MTMR3: variants seen among roughly 807,000 people sequenced by gnomAD.
MTMR3 encodes the protein phosphatidylinositol-3,5-bisphosphate 3-phosphatase MTMR3.
A neutral mutation model predicts 132.4 loss-of-function variants in MTMR3; 32 were observed. That is an observed-to-expected ratio of 0.24 (90% CI 0.18 to 0.32). The LOEUF (loss-of-function observed/expected upper bound fraction) is 0.32, where lower values mean the gene tolerates loss of function less well. Ranked by LOEUF, MTMR3 falls within the 10% of genes least tolerant of loss-of-function variation. MTMR3 has a pLI of 1.00. For missense variants in MTMR3, 1,216 were observed against 1,489.6 expected (o/e 0.82, Z 3.02); for synonymous variants, 556 against 550.3 (o/e 1.01, Z -0.14).
intron 1 of MTMR3, among the ~76,000 whole-genome samples, chr22:29,884,655 C>T (rs1176847284): frequency 6.8e-6 from 1 of 147,850 alleles, no homozygotes; most frequent in Non-Finnish European, 1.5e-5. Context: ...CTCCGCCTGC[C>T]AGGTTCTAGC....
chr22:29,996,098 A>G (rs1188253586), intron 7 of MTMR3: 1 of 152,242 alleles, frequency 6.6e-6, no homozygotes, highest in Non-Finnish European at 1.5e-5. Context: ...TAGGAGTTCA[A>G]ATCCAGCTTA....
intron 3 of MTMR3, among the ~76,000 whole-genome samples, chr22:29,974,882 C>T (rs1278527529): frequency 2.0e-5 from 3 of 152,150 alleles, no homozygotes; most frequent in East Asian, 1.9e-4. Flanking sequence ...TTTTGCTCCC[C>T]TCCATGTTTA....
intron 17 of MTMR3, chr22:30,021,186 C>T: frequency 2.5e-6 from 1 of 397,296 alleles, no homozygotes; most frequent in Non-Finnish European, 4.6e-6. Context: ...TTCAGAAGGG[C>T]TTGAACCCAT....
At chr22:30,005,226 G>C (rs2067250691) in intron 9 of MTMR3, 1 of 152,152 alleles carries the variant, frequency 6.6e-6, no homozygotes, top group East Asian at 1.9e-4. Flanking sequence ...ACTTTGCCTG[G>C]TTCTGTTAGT....
rs577655672 is a variant in MTMR3, at chr22:29,969,839, C to G, written c.-84-1137C>G. 7.9e-5 allele frequency among the ~76,000 whole-genome samples: 12 copies of G among 152,236 alleles called. No homozygotes were observed. The South Asian group carries it at 1.7e-3, about 21-fold the overall frequency. On this transcript the variant is annotated intron_variant, in intron 2 of 19. Coordinates refer to ENST00000401950, the MANE Select transcript of MTMR3 (RefSeq NM_021090.4). ...GCCACCACACCCGGCCAAAATGATTCTTTAGAGTAAGTCATCTCCTACCAT... is the reference window on the plus strand; with the variant it reads ...GCCACCACACCCGGCCAAAATGATTGTTTAGAGTAAGTCATCTCCTACCAT...
intron 2 of MTMR3, among the ~76,000 whole-genome samples, chr22:29,970,390 G>A (rs535898228): frequency 8.6e-5 from 13 of 151,600 alleles, no homozygotes; most frequent in Non-Finnish European, 1.9e-4. Flanking sequence ...CTAGAGTGCA[G>A]TGGTGTAATC....
intron 1 of MTMR3, among the ~76,000 whole-genome samples, chr22:29,947,825 A>G (rs376846741): frequency 6.8e-4 from 103 of 152,230 alleles, no homozygotes; most frequent in African/African-American, 2.3e-3. Context: ...AAATATTACT[A>G]ATTTTAAAAA....
At chr22:29,885,804 T>TG (rs1222983590) in intron 1 of MTMR3, among the ~76,000 whole-genome samples, 1 of 152,228 alleles carries the variant, frequency 6.6e-6, no homozygotes, top group Non-Finnish European at 1.5e-5. Flanking sequence ...GTAGTTCTAG[T>TG]TAACACGTTC....
chr22:29,920,523 T>C (rs1348171432), intron 1 of MTMR3, among the ~76,000 whole-genome samples: 3 of 152,196 alleles, frequency 2.0e-5, no homozygotes, highest in Non-Finnish European at 4.4e-5. Flanking sequence ...TATTTGAATG[T>C]TATGTTATAT....
At chr22:29,949,124 C>CCCCCGAGGCCCTGTCTTAAA (rs1356618745) in intron 1 of MTMR3, among the ~76,000 whole-genome samples, 9 of 39,220 alleles carry the variant, frequency 2.3e-4, no homozygotes, top group African/African-American at 9.9e-4. Flanking sequence ...CACACACACA[C>CCCCCGAGGCCCTGTCTTAAA]ACACACACAC....
At chr22:29,983,905 G>A (rs957691747) in intron 5 of MTMR3, 7 of 151,964 alleles carry the variant, frequency 4.6e-5, no homozygotes, top group Non-Finnish European at 8.8e-5. Flanking sequence ...CCAAAGTGCT[G>A]GGATTACAGA....
In MTMR3 at chr22:29,969,219, G is replaced by C. The variant is rs115459914; in HGVS notation, c.-84-1757G>C. ...CCGTTGAGCTGTCTCTGCATGGCAC[G>C]AGAAGAATAGATTTTTCTTACAATG... is the stretch of plus-strand genomic sequence containing the variant. On this transcript the variant is annotated intron_variant, in intron 2 of 19. Coordinates refer to ENST00000401950, the MANE Select transcript of MTMR3 (RefSeq NM_021090.4). 4.5e-3 allele frequency among the ~76,000 whole-genome samples: 684 copies of C among 152,254 alleles called. 6 individuals carry two copies. The highest frequency in any genetic ancestry group is 0.015 in the African/African-American group (642 of 41,550).
intron 7 of MTMR3, chr22:29,996,245 A>G (rs2067057695): frequency 6.6e-6 from 1 of 152,254 alleles, no homozygotes; most frequent in Non-Finnish European, 1.5e-5. Flanking sequence ...GCCTTAGAGG[A>G]TATAAAAATA....
intron 1 of MTMR3, among the ~76,000 whole-genome samples, chr22:29,904,361 G>A (rs117293897): frequency 0.018 from 2,681 of 152,328 alleles, 46 homozygotes; most frequent in East Asian, 0.062. Flanking sequence ...CTGCTAGTGA[G>A]TAGCTGAAAT....
At position 30,019,594 on chromosome 22, in the gene MTMR3, G is replaced by A; in HGVS notation, c.1935G>A (p.Arg645=). 6.2e-7 allele frequency: 1 copy of A among 1,613,980 alleles called. No individual in the cohort carries two copies. Among genetic ancestry groups the A allele is most frequent in the Non-Finnish European group, 8.5e-7 (1 of 1,180,040 alleles). ...TGAACGAGAAGTGGCAGGAGCACCGGCGCTCACTAGAGCTGAGCAGCCTGG... is the reference window on the plus strand; with the variant it reads ...TGAACGAGAAGTGGCAGGAGCACCGACGCTCACTAGAGCTGAGCAGCCTGG... ...PSLNEKWQEH[R]RSLELSSLAG... The change falls in exon 17 of 20, where the codon CGG becomes CGA. Residue 645 remains arginine, a synonymous_variant. Transcript: ENST00000401950.
At position 30,029,252 on chromosome 22, in the gene MTMR3, C is replaced by A. The variant is rs1380501475; in HGVS notation, c.*3451C>A. 6.6e-6 allele frequency: 1 copy of A among 152,358 alleles called. No homozygotes were observed. The highest frequency in any genetic ancestry group is 2.4e-5 in the African/African-American group (1 of 41,448). 9.4% of individuals were successfully genotyped at this position (152,358 alleles called of 1,614,324 possible). Reference sequence around the variant, plus strand: ...CTGCCAGGTTGTCTTCATCTCAGAACTTTCCTATCCTGGCACTCTCGTTAC... The same window carrying A: ...CTGCCAGGTTGTCTTCATCTCAGAAATTTCCTATCCTGGCACTCTCGTTAC... On this transcript the variant is annotated 3_prime_UTR_variant, in exon 20 of 20. Transcript: ENST00000401950.
intron 1 of MTMR3, among the ~76,000 whole-genome samples, chr22:29,940,140 C>T (rs1254871998): frequency 2.0e-5 from 3 of 152,040 alleles, no homozygotes; most frequent in African/African-American, 7.2e-5. Context: ...TGGTGGCGGG[C>T]GACTGTAGTC....
intron 1 of MTMR3, among the ~76,000 whole-genome samples, chr22:29,924,944 A>G (rs1272762819): frequency 1.3e-5 from 2 of 152,240 alleles, no homozygotes; most frequent in Non-Finnish European, 2.9e-5. Flanking sequence ...TTGGCTGTCC[A>G]TACTAATATT....
chr22:29,956,398 C>T (rs1428186477), intron 1 of MTMR3, among the ~76,000 whole-genome samples: 2 of 152,104 alleles, frequency 1.3e-5, no homozygotes, highest in African/African-American at 2.4e-5. Context: ...AGGCGCATGC[C>T]ACCACACCCA....
Sources: gnomAD v4.1 joint callset for allele counts (sites outside exome capture counted in the v4.1 genomes callset) on GRCh38, gnomAD v4.1.1 for gene constraint, MANE v1.5 for transcripts, NCBI Gene and HGNC (gene_info 2026-07-23, HGNC 2026-07-21) for gene names.